The following POLA1 variants were observed in gnomAD, a reference collection of about 807,000 sequenced individuals.
The protein encoded by POLA1 is DNA polymerase alpha 1, catalytic subunit, also known as DNA polymerase alpha catalytic subunit.
In POLA1, 15 loss-of-function variants were observed where a neutral mutation model predicts 124.0. The ratio of observed to expected loss-of-function variants is 0.12; its 90% CI spans 0.08 to 0.19. The LOEUF (loss-of-function observed/expected upper bound fraction) is 0.19. POLA1 is among the 10% of genes least tolerant of loss of function. The probability of loss-of-function intolerance (pLI) is 1.00; values close to 1 mark genes in which losing one functional copy is unlikely to be tolerated. For missense variants in POLA1, 886 were observed against 1,103.4 expected, an observed-to-expected ratio of 0.80 and a Z score of 2.79; for synonymous variants, 408 against 389.4, an observed-to-expected ratio of 1.05 and a Z score of -0.56.
rs181516105 is a variant in POLA1, at chrX:24,938,568, C to G, written c.4261+8019C>G. 2.4e-3 allele frequency among the ~76,000 whole-genome samples: 271 copies of G among 112,467 alleles called. 4 individuals are homozygous for G. The highest frequency in any genetic ancestry group is 0.023 in the Admixed American group (247 of 10,657). ...TTTATAAAGATTTCAAGGCATTCAA[C>G]TAGATTCTTTTAATGGAAACAAGAT... On this transcript the variant is annotated intron_variant, in intron 36 of 36. Coordinates refer to ENST00000379068, the MANE Select transcript of POLA1 (RefSeq NM_001330360.2).
chrX:24,853,753 G>A (rs1402367671), intron 34 of POLA1, among the ~76,000 whole-genome samples: 1 of 111,314 alleles, frequency 9.0e-6, no homozygotes. Flanking sequence ...ACCCAGGTCT[G>A]GATAACCATA....
intron 2 of POLA1, among the ~76,000 whole-genome samples, chrX:24,701,091 G>A (rs955811621): frequency 1.8e-5 from 2 of 111,242 alleles, no homozygotes; most frequent in African/African-American, 3.3e-5. Flanking sequence ...AAATAATAAC[G>A]CCAGTTCCCC....
intron 36 of POLA1, among the ~76,000 whole-genome samples, chrX:24,993,535 A>G (rs1478939313): frequency 8.9e-6 from 1 of 112,181 alleles, no homozygotes; most frequent in Admixed American, 9.4e-5. Context: ...TAACACCTGT[A>G]TTTTCCCTTG....
chrX:24,880,255 G>T (rs945978033), intron 34 of POLA1, among the ~76,000 whole-genome samples: 4 of 111,654 alleles, frequency 3.6e-5, no homozygotes, highest in Non-Finnish European at 7.5e-5. Flanking sequence ...AGATCAATAA[G>T]TTTCAAATAA....
chrX:24,820,262 C>A (rs764322646), intron 30 of POLA1, among the ~76,000 whole-genome samples: 2 of 111,481 alleles, frequency 1.8e-5, no homozygotes, highest in African/African-American at 6.5e-5. Flanking sequence ...ACTATTGCTT[C>A]TGTATCATCA....
chrX:24,781,300 C>T (rs1449093423), intron 26 of POLA1, among the ~76,000 whole-genome samples: 1 of 111,311 alleles, frequency 9.0e-6, no homozygotes, highest in East Asian at 2.8e-4. Context: ...GCAAGTTTTT[C>T]GTTGTGCTCC....
chrX:24,745,285 G>T (rs1249267765), intron 23 of POLA1, 133 bp from the exon 24 acceptor site: 6 of 329,863 alleles, frequency 1.8e-5, no homozygotes, highest in East Asian at 4.6e-5. Flanking sequence ...TTCCCTTTTT[G>T]TCTGTTTCAC....
chrX:24,850,296 G>T (rs1329138600), intron 34 of POLA1, among the ~76,000 whole-genome samples: 1 of 112,119 alleles, frequency 8.9e-6, no homozygotes, highest in Non-Finnish European at 1.9e-5. Context: ...ATTTATCCTT[G>T]TACAAATCTA....
chrX:24,952,063 G>C (rs138910505), intron 36 of POLA1, among the ~76,000 whole-genome samples: 107 of 111,624 alleles, frequency 9.6e-4, no homozygotes, highest in African/African-American at 2.7e-3. Context: ...TGAGTGCTTT[G>C]GTAAATGTGT....
At chrX:24,839,782 C>G (rs1487827675) in intron 32 of POLA1, among the ~76,000 whole-genome samples, 1 of 112,074 alleles carries the variant, frequency 8.9e-6, no homozygotes, top group Non-Finnish European at 1.9e-5. Flanking sequence ...GATTAATAGT[C>G]ATAGGGTCAG....
At position 24,882,765 on chromosome X, in the gene POLA1, A is replaced by G. The variant is rs1373948712; in HGVS notation, c.4048-5241A>G. ...TTTATCCAGTCCATTGTTGATGGGC[A>G]CCTAGGTTGATTCCATGTCTATCAT... On this transcript the variant is annotated intron_variant, in intron 34 of 36. Coordinates refer to ENST00000379068, the MANE Select transcript of POLA1 (RefSeq NM_001330360.2). 2.8e-5 allele frequency among the ~76,000 whole-genome samples: 3 copies of G among 106,976 alleles called. No individual in the cohort carries two copies. In the East Asian group the frequency reaches 8.8e-4, roughly 31 times the overall value. The allele number at this position is 106,976 out of a possible 115,157, so 92.9% of individuals were successfully genotyped here.
rs1932168388 is a variant in POLA1 at position 24,748,863 on chromosome X, C to T, written c.2842-7C>T. 8.3e-7 allele frequency: 1 copy of T among 1,208,092 alleles called. No individual in the cohort carries two copies. Among genetic ancestry groups the T allele is most frequent in the African/African-American group, 1.7e-5 (1 of 57,760 alleles). ...GTTGTTTGTCTTTTGTTCTGTGTGGCCTGCAGTATGACATTCGACAGAAGG... is the reference window on the plus strand; with the variant it reads ...GTTGTTTGTCTTTTGTTCTGTGTGGTCTGCAGTATGACATTCGACAGAAGG... On this transcript the variant is annotated splice_region_variant and splice_polypyrimidine_tract_variant and intron_variant, in intron 25 of 36. Transcript: ENST00000379068.
At chrX:24,772,721 C>T (rs1325209994) in intron 26 of POLA1, among the ~76,000 whole-genome samples, 1 of 111,886 alleles carries the variant, frequency 8.9e-6, no homozygotes, top group Admixed American at 9.5e-5. Flanking sequence ...TGGACATGAT[C>T]TCATTCTTTT....
intron 36 of POLA1, among the ~76,000 whole-genome samples, chrX:24,953,797 C>T (rs776398331): frequency 1.8e-5 from 2 of 111,932 alleles, no homozygotes; most frequent in Non-Finnish European, 3.8e-5. Flanking sequence ...AAATTATGTA[C>T]GGAGGTCTAG....
At chrX:24,846,807 T>G (rs2046483302) in intron 34 of POLA1, among the ~76,000 whole-genome samples, 1 of 112,026 alleles carries the variant, frequency 8.9e-6, no homozygotes, top group African/African-American at 3.2e-5. Context: ...TTCATGAAAT[T>G]TTCCTCACTA....
intron 35 of POLA1, among the ~76,000 whole-genome samples, chrX:24,905,523 T>C (rs2047351618): frequency 1.9e-5 from 2 of 107,199 alleles, no homozygotes; most frequent in Non-Finnish European, 1.9e-5. Flanking sequence ...AGGCAGTTAT[T>C]ATCCAAATGT....
chrX:24,949,907 T>C (rs765257356), intron 36 of POLA1, among the ~76,000 whole-genome samples: 1 of 109,481 alleles, frequency 9.1e-6, no homozygotes, highest in East Asian at 2.9e-4. Flanking sequence ...GCTAATTTTG[T>C]ATTTTTAGTT....
chrX:24,826,688 C>A, intron 32 of POLA1, 87 bp downstream of exon 32: 2 of 588,106 alleles, frequency 3.4e-6, no homozygotes, highest in South Asian at 3.5e-5. Flanking sequence ...TGCTTATGGG[C>A]ATGGTATTGT....
At chrX:24,709,476 C>G (rs1929175155) in intron 4 of POLA1, among the ~76,000 whole-genome samples, 1 of 108,313 alleles carries the variant, frequency 9.2e-6, no homozygotes, top group African/African-American at 3.3e-5. Flanking sequence ...GGGCGGCTGG[C>G]CTGGCGGGGG....
Sources: gnomAD v4.1 joint callset for allele counts (sites outside exome capture counted in the v4.1 genomes callset) on GRCh38, gnomAD v4.1.1 for gene constraint, MANE v1.5 for transcripts, NCBI Gene and HGNC (gene_info 2026-07-23, HGNC 2026-07-21) for gene names.